HS6ST3: variants seen among roughly 807,000 people sequenced by gnomAD.
HS6ST3 encodes heparan-sulfate 6-O-sulfotransferase 3.
Under a neutral mutation model 36.7 loss-of-function variants are expected in HS6ST3, and 12 were observed. The ratio of observed to expected loss-of-function variants is 0.33; its 90% CI spans 0.21 to 0.53. The LOEUF is 0.53. HS6ST3 is among the 20% of genes least tolerant of loss of function. The pLI is 0.95. For missense variants in HS6ST3, 584 were observed against 640.9 expected, an observed-to-expected ratio of 0.91 and a Z score of 0.96; for synonymous variants, 240 against 257.5, an observed-to-expected ratio of 0.93 and a Z score of 0.65.
chr13:96,324,959 T>C (rs1235437885), intron 1 of HS6ST3, among the ~76,000 whole-genome samples: 1 of 152,218 alleles, frequency 6.6e-6, no homozygotes, highest in South Asian at 2.1e-4. Context: ...ATTTTAGTTT[T>C]GTTATTGTAT....
chr13:96,756,392 C>G (rs902653980), intron 1 of HS6ST3, among the ~76,000 whole-genome samples: 2 of 152,008 alleles, frequency 1.3e-5, no homozygotes, highest in African/African-American at 4.8e-5. Context: ...TTCTTTTATA[C>G]TTAGTGTCTC....
chr13:96,284,800 C>T (rs1046601562), intron 1 of HS6ST3, among the ~76,000 whole-genome samples: 6 of 151,932 alleles, frequency 3.9e-5, no homozygotes, highest in Non-Finnish European at 8.8e-5. Flanking sequence ...TTCTCTCCTT[C>T]TTTCTTCTTT....
At chr13:96,189,858 AG>A (rs773551122) in intron 1 of HS6ST3, among the ~76,000 whole-genome samples, 49 of 152,202 alleles carry the variant, frequency 3.2e-4, no homozygotes, top group Admixed American at 1.9e-3. Context: ...GTTTGCTCAC[AG>A]GGCTTTGGTT....
At chr13:96,659,998 T>C (rs1451298445) in intron 1 of HS6ST3, among the ~76,000 whole-genome samples, 1 of 152,140 alleles carries the variant, frequency 6.6e-6, no homozygotes, top group African/African-American at 2.4e-5. Context: ...GATTTATAGA[T>C]GCACTAATAT....
chr13:96,650,881 C>A (rs1006283613), intron 1 of HS6ST3, among the ~76,000 whole-genome samples: 2 of 152,090 alleles, frequency 1.3e-5, no homozygotes, highest in Non-Finnish European at 2.9e-5. Context: ...CATTAAATTT[C>A]TACTCCTGTC....
At chr13:96,557,393 G>T (rs1172049117) in intron 1 of HS6ST3, among the ~76,000 whole-genome samples, 3 of 152,138 alleles carry the variant, frequency 2.0e-5, no homozygotes, top group Non-Finnish European at 4.4e-5. Context: ...TGAAGTGGTG[G>T]TCTTATAAGT....
At chr13:96,208,108 T>A (rs965893027) in intron 1 of HS6ST3, among the ~76,000 whole-genome samples, 2 of 152,186 alleles carry the variant, frequency 1.3e-5, no homozygotes, top group African/African-American at 4.8e-5. Context: ...TTTCAAAAAA[T>A]ACATATTACC....
chr13:96,636,645 G>A (rs1172865719), intron 1 of HS6ST3, among the ~76,000 whole-genome samples: 1 of 152,132 alleles, frequency 6.6e-6, no homozygotes, highest in Non-Finnish European at 1.5e-5. Context: ...GCTCTGAAAG[G>A]AAGCTTGACA....
chr13:96,658,268 C>CTTCTGTTTTTTTTTTTTTTTT (rs1566422902), intron 1 of HS6ST3, among the ~76,000 whole-genome samples: 1 of 76,190 alleles, frequency 1.3e-5, no homozygotes. Flanking sequence ...TCTTCTTCTT[C>CTTCTGTTTTTTTTTTTTTTTT]TTTTTTTTTT....
intron 1 of HS6ST3, among the ~76,000 whole-genome samples, chr13:96,207,726 C>T (rs1013894534): frequency 1.3e-5 from 2 of 152,070 alleles, no homozygotes; most frequent in African/African-American, 4.8e-5. Flanking sequence ...ACTAATGCAA[C>T]AGAAAATCAG....
chr13:96,628,556 A>C (rs899381111), intron 1 of HS6ST3, among the ~76,000 whole-genome samples: 3 of 152,016 alleles, frequency 2.0e-5, no homozygotes, highest in Non-Finnish European at 4.4e-5. Flanking sequence ...TCAGTCTATC[A>C]ATTTTTGAGA....
intron 1 of HS6ST3, among the ~76,000 whole-genome samples, chr13:96,497,458 G>A (rs2055982967): frequency 6.6e-6 from 1 of 152,066 alleles, no homozygotes; most frequent in Non-Finnish European, 1.5e-5. Context: ...TACTTCCTAT[G>A]TATATGCCAA....
chr13:96,454,668 C>T (rs1436166254), intron 1 of HS6ST3, among the ~76,000 whole-genome samples: 1 of 151,756 alleles, frequency 6.6e-6, no homozygotes, highest in East Asian at 1.9e-4. Flanking sequence ...TGGAGAGACT[C>T]ATTTGCATTA....
intron 1 of HS6ST3, among the ~76,000 whole-genome samples, chr13:96,112,092 C>T (rs959337493): frequency 9.2e-5 from 14 of 151,928 alleles, no homozygotes; most frequent in African/African-American, 1.4e-4. Context: ...ATGCATAGCT[C>T]GAAGTATACA....
At chr13:96,366,807 T>G (rs2055265300) in intron 1 of HS6ST3, among the ~76,000 whole-genome samples, 1 of 152,036 alleles carries the variant, frequency 6.6e-6, no homozygotes, top group Non-Finnish European at 1.5e-5. Flanking sequence ...GTGTCAAGGG[T>G]GGGGCCAGGT....
chr13:96,229,865 A>C (rs2054499425), intron 1 of HS6ST3, among the ~76,000 whole-genome samples: 1 of 152,222 alleles, frequency 6.6e-6, no homozygotes. Flanking sequence ...AGGCAGAAGC[A>C]CTTAACTCTG....
chr13:96,567,907 C>T (rs980764525), intron 1 of HS6ST3, among the ~76,000 whole-genome samples: 7 of 152,060 alleles, frequency 4.6e-5, no homozygotes, highest in African/African-American at 1.7e-4. Context: ...GTCAGGGAAG[C>T]GCATAAGAAA....
At chr13:96,754,736 G>T (rs540121069) in intron 1 of HS6ST3, among the ~76,000 whole-genome samples, 15 of 152,054 alleles carry the variant, frequency 9.9e-5, no homozygotes, top group African/African-American at 3.6e-4. Context: ...GTTTTACCTT[G>T]TAGAAGATCT....
chr13:96,247,339 A>G (rs2054589241), intron 1 of HS6ST3, among the ~76,000 whole-genome samples: 1 of 152,022 alleles, frequency 6.6e-6, no homozygotes, highest in Non-Finnish European at 1.5e-5. Flanking sequence ...TGTAATCCCC[A>G]TAATCCCCAC....
Sources: allele counts gnomAD v4.1 joint callset (sites outside exome capture counted in the v4.1 genomes callset), GRCh38; gene constraint gnomAD v4.1.1; transcripts MANE v1.5; gene names NCBI Gene and HGNC (gene_info 2026-07-23, HGNC 2026-07-21).